The following AGBL4 variants were observed in gnomAD, a reference collection of about 807,000 sequenced individuals.
AGBL4 encodes the protein cytosolic carboxypeptidase 6.
Under a neutral mutation model 66.4 loss-of-function variants are expected in AGBL4, and 58 were observed. The observed-to-expected ratio is 0.87, with a 90% CI of 0.71 to 1.09. AGBL4 has a LOEUF of 1.09. Among genes scored for constraint, AGBL4 ranks in the 50% least tolerant of loss-of-function variants. The pLI, the probability that AGBL4 is intolerant of heterozygous loss-of-function variation, is 0.00. For missense variants in AGBL4, 579 were observed against 631.0 expected (o/e 0.92, Z 0.88); for synonymous variants, 234 against 222.9 (o/e 1.05, Z -0.44).
chr1:49,823,457 T>C (rs969413009), intron 2 of AGBL4, among the ~76,000 whole-genome samples: 7 of 152,188 alleles, frequency 4.6e-5, no homozygotes, highest in African/African-American at 1.4e-4. Flanking sequence ...TCCTTGCTGG[T>C]AATAATTAGA....
At chr1:48,928,326 T>C (rs1465909723) in intron 5 of AGBL4, among the ~76,000 whole-genome samples, 1 of 152,200 alleles carries the variant, frequency 6.6e-6, no homozygotes, top group Non-Finnish European at 1.5e-5. Context: ...ACTGGAATCT[T>C]AGCACAGGTG....
intron 1 of AGBL4, among the ~76,000 whole-genome samples, chr1:49,953,895 T>C (rs1319107962): frequency 6.6e-6 from 1 of 151,896 alleles, no homozygotes; most frequent in Non-Finnish European, 1.5e-5. Context: ...TATTTATTTA[T>C]TTATTTACTT....
intron 4 of AGBL4, among the ~76,000 whole-genome samples, chr1:49,047,363 A>G (rs1272142012): frequency 1.3e-5 from 2 of 152,154 alleles, no homozygotes; most frequent in African/African-American, 4.8e-5. Flanking sequence ...CTTTCACATA[A>G]AAGTCAGAGG....
At chr1:49,320,433 C>T (rs1645113082) in intron 3 of AGBL4, among the ~76,000 whole-genome samples, 1 of 152,060 alleles carries the variant, frequency 6.6e-6, no homozygotes, top group Admixed American at 6.5e-5. Context: ...ATATCTGCTA[C>T]AGTGTATACA....
intron 2 of AGBL4, among the ~76,000 whole-genome samples, chr1:49,731,855 G>T (rs1184334574): frequency 1.3e-5 from 2 of 152,204 alleles, no homozygotes. Flanking sequence ...ATGATAAAAA[G>T]AATAGTTTCT....
chr1:50,007,628 G>A (rs916470338), intron 1 of AGBL4, among the ~76,000 whole-genome samples: 3 of 152,132 alleles, frequency 2.0e-5, no homozygotes, highest in Non-Finnish European at 2.9e-5. Flanking sequence ...AAAGCTGGGT[G>A]TGGAAGCACA....
Position 49,903,913 on chromosome 1 carries a change from G to A in AGBL4, c.35-52395C>T, listed in dbSNP as rs142386137. ...TAAAGAAATAAGAGGGAAACAATGT[G>A]TGCAATATACTTCTAGAATCTGTAA... is the stretch of plus-strand genomic sequence containing the variant. On this transcript the variant is annotated intron_variant, in intron 1 of 13. Transcript: ENST00000371839. 6.2e-3 allele frequency among the ~76,000 whole-genome samples: 938 copies of A among 152,208 alleles called. 9 individuals carry two copies. The highest frequency in any genetic ancestry group is 0.021 in the African/African-American group (873 of 41,538).
chr1:49,931,109 C>T (rs187673902), intron 1 of AGBL4, among the ~76,000 whole-genome samples: 31 of 152,116 alleles, frequency 2.0e-4, no homozygotes, highest in Admixed American at 9.2e-4. Context: ...TCTACATATC[C>T]GCAATGAACA....
intron 9 of AGBL4, among the ~76,000 whole-genome samples, chr1:48,630,404 A>G (rs1258928562): frequency 2.6e-5 from 4 of 152,114 alleles, no homozygotes; most frequent in African/African-American, 9.7e-5. Flanking sequence ...CTAAAGATGA[A>G]TGCATCACTT....
chr1:48,880,543 C>T (rs1649677374), intron 5 of AGBL4, among the ~76,000 whole-genome samples: 1 of 152,218 alleles, frequency 6.6e-6, no homozygotes, highest in African/African-American at 2.4e-5. Context: ...AATGTCCACA[C>T]TGTTTTCCAC....
intron 1 of AGBL4, among the ~76,000 whole-genome samples, chr1:49,962,976 A>G (rs1330638132): frequency 1.3e-5 from 2 of 152,160 alleles, no homozygotes; most frequent in Non-Finnish European, 2.9e-5. Context: ...TTTGCATCAA[A>G]TCATGACACC....
At chr1:48,706,001 C>T (rs542443153) in intron 6 of AGBL4, among the ~76,000 whole-genome samples, 14 of 152,024 alleles carry the variant, frequency 9.2e-5, no homozygotes, top group African/African-American at 3.1e-4. Flanking sequence ...TGGTTGTTTC[C>T]AGTTTCAGAC....
intron 5 of AGBL4, among the ~76,000 whole-genome samples, chr1:49,006,592 A>G (rs1661845136): frequency 6.6e-6 from 1 of 152,112 alleles, no homozygotes; most frequent in African/African-American, 2.4e-5. Flanking sequence ...ACAAACAAAA[A>G]GACAGCAGTA....
chr1:49,409,813 A>G (rs192625290), intron 3 of AGBL4, among the ~76,000 whole-genome samples: 1 of 152,322 alleles, frequency 6.6e-6, no homozygotes, highest in East Asian at 1.9e-4. Context: ...TTTCTTTGAT[A>G]TAATTTCAGC....
At chr1:49,642,663 C>G (rs1226513928) in intron 3 of AGBL4, among the ~76,000 whole-genome samples, 1 of 151,900 alleles carries the variant, frequency 6.6e-6, no homozygotes. Context: ...CGTTCCTGTC[C>G]TCAGCTAAAG....
At chr1:48,594,573 T>C (rs1198767150) in intron 9 of AGBL4, among the ~76,000 whole-genome samples, 1 of 152,228 alleles carries the variant, frequency 6.6e-6, no homozygotes, top group East Asian at 1.9e-4. Context: ...AAATTTCTGA[T>C]TTTTGACACA....
chr1:49,958,059 T>C (rs950894332), intron 1 of AGBL4, among the ~76,000 whole-genome samples: 2 of 152,078 alleles, frequency 1.3e-5, no homozygotes, highest in Non-Finnish European at 2.9e-5. Context: ...GGCCTGGTGG[T>C]GACAAAATCT....
At chr1:49,227,553 T>G (rs1650006990) in intron 4 of AGBL4, among the ~76,000 whole-genome samples, 1 of 152,226 alleles carries the variant, frequency 6.6e-6, no homozygotes, top group African/African-American at 2.4e-5. Flanking sequence ...AGCTTGCAAG[T>G]TGGTATAGCC....
At chr1:49,640,084 C>G (rs761591009) in intron 3 of AGBL4, among the ~76,000 whole-genome samples, 4 of 152,034 alleles carry the variant, frequency 2.6e-5, no homozygotes, top group African/African-American at 7.2e-5. Context: ...AAACCACTAC[C>G]CTGAGGAGCT....
Sources: allele counts gnomAD v4.1 joint callset (sites outside exome capture counted in the v4.1 genomes callset), GRCh38; gene constraint gnomAD v4.1.1; transcripts MANE v1.5; gene names NCBI Gene and HGNC (gene_info 2026-07-23, HGNC 2026-07-21).